SNRPN: variants seen among roughly 807,000 people sequenced by gnomAD.
SNRPN encodes small nuclear ribonucleoprotein-associated protein N.
Under a neutral mutation model 25.2 loss-of-function variants are expected in SNRPN, and 7 were observed. The ratio of observed to expected loss-of-function variants is 0.28; its 90% confidence interval spans 0.16 to 0.52. The LOEUF is 0.52. SNRPN is among the 20% of genes least tolerant of loss of function. The pLI is 0.96. For missense variants in SNRPN, 196 were observed against 322.5 expected (o/e 0.61, Z 3.00); for synonymous variants, 124 against 110.6 (o/e 1.12, Z -0.76).
At chr15:24,853,422 C>T (rs1387200675), upstream of SNRPN, among the ~76,000 whole-genome samples, 3 of 149,672 alleles carry the variant, frequency 2.0e-5, no homozygotes, top group African/African-American at 7.4e-5. Context: ...TGAGATGACT[C>T]TCGTTCTGTT....
chr15:24,916,548 G>A (rs1178648912), intron 2 of SNRPN, among the ~76,000 whole-genome samples: 3 of 151,790 alleles, frequency 2.0e-5, no homozygotes, highest in Non-Finnish European at 2.9e-5. Context: ...GAACCAGATC[G>A]TCTCTAGAAG....
chr15:24,910,022 C>T (rs1483725926), intron 2 of SNRPN, among the ~76,000 whole-genome samples: 1 of 152,090 alleles, frequency 6.6e-6, no homozygotes, highest in Non-Finnish European at 1.5e-5. Context: ...ATATTCCAGC[C>T]CTCATGCTCA....
Position 24,975,478 on chromosome 15 carries a change from C to G in SNRPN, c.124C>G (p.Leu42Val). 1.2e-6 allele frequency: 2 copies of G among 1,613,946 alleles called. No individual in the cohort carries two copies. Among genetic ancestry groups the G allele is most frequent in the Non-Finnish European group, 1.7e-6 (2 of 1,179,926 alleles). The change falls in exon 5 of 10, where the codon CTC becomes GTC. Residue 42 changes from leucine (L) to valine (V), a missense_variant. Coordinates refer to ENST00000390687, the MANE Select transcript of SNRPN (RefSeq NM_003097.6). ...KAFDKHMNLI[L>V]CDCDEFRKIK... ...TTTTGACAAGCATATGAATTTGATC[C>G]TCTGTGATTGTGATGAGTTCAGAAA... is the stretch of plus-strand genomic sequence containing the variant.
At chr15:24,909,738 C>T (rs1458227291) in intron 2 of SNRPN, 2 of 1,238,668 alleles carry the variant, frequency 1.6e-6, no homozygotes, top group African/African-American at 1.5e-5. Context: ...GTATCGTAAT[C>T]AGTTTTACCC....
chr15:24,859,452 ATT>A (rs1167558167), intron 1 of SNRPN, among the ~76,000 whole-genome samples: 1 of 152,196 alleles, frequency 6.6e-6, no homozygotes, highest in Admixed American at 6.5e-5. Context: ...TCACTAGCAA[ATT>A]TCATACAAGT....
chr15:24,938,169 G>A (rs116468447), intron 3 of SNRPN, among the ~76,000 whole-genome samples: 5,976 of 148,362 alleles, frequency 0.04, 409 homozygotes, highest in African/African-American at 0.14. Context: ...GGAGTCCAGT[G>A]CCACGCCATG....
chr15:24,845,776 T>C (rs2052141833), intron 2 of SNRPN, among the ~76,000 whole-genome samples: 1 of 152,066 alleles, frequency 6.6e-6, no homozygotes, highest in South Asian at 2.1e-4. Context: ...ACTGAATGTA[T>C]AGATAAATAT....
intron 2 of SNRPN, chr15:24,850,706 G>C (rs992300119): frequency 6.6e-6 from 1 of 152,154 alleles, no homozygotes; most frequent in African/African-American, 2.4e-5. Context: ...AAGTACAGAT[G>C]AGGTAGAAGG....
At chr15:24,967,839 C>G in intron 2 of SNRPN, 93 bp from the exon 3 acceptor site, 82 of 686,294 alleles carry the variant, frequency 1.2e-4, no homozygotes, top group Non-Finnish European at 1.6e-4. Flanking sequence ...GGAATATCTT[C>G]TTAAATGTAA....
rs1444652832 is a variant in SNRPN at position 24,954,991 on chromosome 15, A to G, written c.-462A>G. The G allele has an allele frequency of 6.2e-6, 10 of 1,609,292 alleles. No homozygotes were observed. Among genetic ancestry groups the G allele is most frequent in the African/African-American group, 1.3e-5 (1 of 74,848 alleles). On this transcript the variant is annotated 5_prime_UTR_variant, in exon 1 of 10. Transcript: ENST00000390687. ...CGCTGCTGCAGCGAGTCTGGCGCAG[A>G]GTGGAGCGGCCGCCGGAGATGCCTG...
chr15:24,956,207 T>G (rs1051389124), intron 1 of SNRPN, among the ~76,000 whole-genome samples: 1 of 152,098 alleles, frequency 6.6e-6, no homozygotes, highest in Non-Finnish European at 1.5e-5. Context: ...GGGGGTTACT[T>G]TTTTTTCATT....
At chr15:24,925,257 G>A (rs930360708) in intron 3 of SNRPN, among the ~76,000 whole-genome samples, 2 of 152,008 alleles carry the variant, frequency 1.3e-5, no homozygotes, top group Non-Finnish European at 2.9e-5. Flanking sequence ...GGACATTTCC[G>A]GTGTTTTATG....
chr15:24,865,571 C>T (rs2054503565), intron 1 of SNRPN, among the ~76,000 whole-genome samples: 1 of 152,102 alleles, frequency 6.6e-6, no homozygotes, highest in Non-Finnish European at 1.5e-5. Flanking sequence ...GGTGGATGAG[C>T]TGCAAATTGT....
At chr15:24,851,950 A>G (rs1161690812), upstream of SNRPN, 1 of 152,342 alleles carries the variant, frequency 6.6e-6, no homozygotes, top group East Asian at 1.9e-4. Context: ...GATGACATGT[A>G]TTGTAACTTT....
chr15:24,954,237 T>C (rs1398703871), upstream of SNRPN, among the ~76,000 whole-genome samples: 1 of 152,168 alleles, frequency 6.6e-6, no homozygotes, highest in African/African-American at 2.4e-5. Flanking sequence ...TTCTCCCCAC[T>C]CCAGCTATCA....
At chr15:24,837,422 C>G (rs1336415600) in intron 2 of SNRPN, among the ~76,000 whole-genome samples, 1 of 150,510 alleles carries the variant, frequency 6.6e-6, no homozygotes, top group Non-Finnish European at 1.5e-5. Context: ...GGCTGGAGTG[C>G]AGTGGCTGCG....
chr15:24,900,320 G>A (rs2058368513), intron 2 of SNRPN, among the ~76,000 whole-genome samples: 1 of 152,140 alleles, frequency 6.6e-6, no homozygotes, highest in South Asian at 2.1e-4. Flanking sequence ...GGCTGATATT[G>A]TTAAATATCA....
chr15:24,841,615 A>C (rs1160612678), intron 2 of SNRPN, among the ~76,000 whole-genome samples: 1 of 152,086 alleles, frequency 6.6e-6, no homozygotes, highest in Non-Finnish European at 1.5e-5. Flanking sequence ...TTCAGTAGGG[A>C]CCTAGAGGCC....
intron 2 of SNRPN, among the ~76,000 whole-genome samples, chr15:24,836,130 T>C (rs1029873288): frequency 2.0e-5 from 3 of 152,090 alleles, no homozygotes; most frequent in African/African-American, 7.3e-5. Context: ...ACCTTCTCTC[T>C]GTGCTCTCAC....
Sources: allele counts gnomAD v4.1 joint callset (sites outside exome capture counted in the v4.1 genomes callset), GRCh38; gene constraint gnomAD v4.1.1; transcripts MANE v1.5; gene names NCBI Gene and HGNC (gene_info 2026-07-23, HGNC 2026-07-21).